Variants in MTCL1 observed in about 807,000 individuals in gnomAD.
The protein encoded by MTCL1 is microtubule crosslinking factor 1.
A neutral mutation model predicts 141.4 loss-of-function variants in MTCL1; 79 were observed. The observed-to-expected ratio is 0.56, with a 90% CI of 0.47 to 0.67. The LOEUF (loss-of-function observed/expected upper bound fraction) is 0.67. Among genes scored for constraint, MTCL1 ranks in the 30% least tolerant of loss-of-function variants. MTCL1 has a pLI of 0.00. For synonymous variants in MTCL1, 914 were observed against 875.8 expected (o/e 1.04, Z -0.77); for missense variants, 2,177 against 2,113.9 (o/e 1.03, Z -0.59).
intron 10 of MTCL1, among the ~76,000 whole-genome samples, chr18:8,803,159 TAAA>T (rs34017267): frequency 1.4e-5 from 2 of 145,328 alleles, no homozygotes; most frequent in Non-Finnish European, 1.5e-5. Flanking sequence ...AGGTAAAGTT[TAAA>T]AAAAAAAAAA....
chr18:8,808,794 A>G (rs1568078736), intron 11 of MTCL1, among the ~76,000 whole-genome samples: 1 of 152,238 alleles, frequency 6.6e-6, no homozygotes, highest in Non-Finnish European at 1.5e-5. Context: ...AACAAATCAG[A>G]TGTTCCTTGA....
At chr18:8,774,335 A>C (rs190297531) in intron 4 of MTCL1, among the ~76,000 whole-genome samples, 60 of 152,252 alleles carry the variant, frequency 3.9e-4, no homozygotes, top group African/African-American at 1.3e-3. Context: ...TTTGGAAGAA[A>C]CATGGCGTCT....
exon 6 of MTCL1, chr18:8,783,587 A>G (rs1238227047): frequency 1.2e-6 from 2 of 1,613,242 alleles, no homozygotes; most frequent in East Asian, 4.5e-5. Context: ...AGCCTTCCTG[A>G]TGCGCAAAAA....
At chr18:8,762,422 A>G (rs947107875) in intron 4 of MTCL1, among the ~76,000 whole-genome samples, 1 of 152,266 alleles carries the variant, frequency 6.6e-6, no homozygotes, top group African/African-American at 2.4e-5. Flanking sequence ...GACTGCTCTC[A>G]GCCCAAACAT....
At chr18:8,721,737 G>GT (rs1481952288) in intron 4 of MTCL1, among the ~76,000 whole-genome samples, 1 of 152,204 alleles carries the variant, frequency 6.6e-6, no homozygotes, top group East Asian at 1.9e-4. Context: ...TTTGTCTATT[G>GT]TCACCGCTCA....
chr18:8,761,532 C>A (rs1401187825), intron 4 of MTCL1, among the ~76,000 whole-genome samples: 1 of 152,174 alleles, frequency 6.6e-6, no homozygotes, highest in Non-Finnish European at 1.5e-5. Context: ...GACCTCTGTT[C>A]TTTCTATCTC....
At chr18:8,717,868 A>T in intron 1 of MTCL1, 1 of 987,326 alleles carries the variant, frequency 1.0e-6, no homozygotes, top group South Asian at 4.6e-5. Context: ...CCCAATGTGT[A>T]TTTAAAATAA....
chr18:8,764,736 C>T (rs1318718084), intron 4 of MTCL1, among the ~76,000 whole-genome samples: 6 of 152,198 alleles, frequency 3.9e-5, no homozygotes, highest in Admixed American at 3.9e-4. Flanking sequence ...ACCCACGTAG[C>T]CTGGGCACTT....
At chr18:8,816,431 CTG>C (rs760232072) in intron 12 of MTCL1, among the ~76,000 whole-genome samples, 1 of 152,208 alleles carries the variant, frequency 6.6e-6, no homozygotes, top group African/African-American at 2.4e-5. Context: ...TGATGTATGA[CTG>C]TGGGAATGTG....
At chr18:8,710,457 C>CTTTTTTTTTT in intron 1 of MTCL1, among the ~76,000 whole-genome samples, 1 of 121,818 alleles carries the variant, frequency 8.2e-6, no homozygotes, top group Non-Finnish European at 1.7e-5. Context: ...CAGGCACTTT[C>CTTTTTTTTTT]TTTTTTTTTT....
intron 10 of MTCL1, among the ~76,000 whole-genome samples, chr18:8,802,784 C>T (rs961548667): frequency 7.9e-5 from 12 of 152,220 alleles, no homozygotes; most frequent in African/African-American, 2.9e-4. Flanking sequence ...TGCTGCTTTG[C>T]TAGAAAATCA....
intron 12 of MTCL1, 121 bp from the exon 12 acceptor site, chr18:8,818,842 T>C: frequency 1.0e-6 from 1 of 981,974 alleles, no homozygotes; most frequent in South Asian, 1.6e-5. Flanking sequence ...GAACATTTGC[T>C]TCTCACAATA....
exon 6 of MTCL1, chr18:8,783,570 A>G (rs1389766671): frequency 6.2e-7 from 1 of 1,610,110 alleles, no homozygotes; most frequent in Non-Finnish European, 8.5e-7. Context: ...CAGTTTGCCA[A>G]AGAGGAAGCC....
chr18:8,806,726 T>G (rs2076309910), intron 10 of MTCL1, among the ~76,000 whole-genome samples, 167 bp from the exon 10 acceptor site: 1 of 152,078 alleles, frequency 6.6e-6, no homozygotes, highest in East Asian at 1.9e-4. Context: ...ACAGGGACCC[T>G]TTCTTTGCTC....
chr18:8,757,705 A>AT (rs201141832), intron 4 of MTCL1, among the ~76,000 whole-genome samples: 6 of 151,516 alleles, frequency 4.0e-5, no homozygotes, highest in African/African-American at 7.3e-5. Flanking sequence ...CATTTTTGAG[A>AT]TTTTTTTTTC....
upstream of MTCL1, chr18:8,705,607 C>CGCCGCCGCCGCT (rs2096056248): frequency 1.9e-5 from 23 of 1,210,394 alleles, no homozygotes; most frequent in South Asian, 4.0e-5. The surrounding 1 kb of genome is among the most constrained non-coding windows in gnomAD (Gnocchi z 5.2). Context: ...CCGCCGCCGC[C>CGCCGCCGCCGCT]GCCGTCGTCG....
intron 2 of MTCL1, chr18:8,718,026 C>A: frequency 2.0e-6 from 2 of 978,186 alleles, no homozygotes; most frequent in Non-Finnish European, 2.5e-6. Context: ...TCTTTGAAGG[C>A]AGGGTCCGTA....
chr18:8,831,844 G>T, exon 17 of MTCL1: 1 of 1,545,696 alleles, frequency 6.5e-7, no homozygotes, highest in Non-Finnish European at 8.7e-7. Context: ...ACTGTAATTT[G>T]CATAACCACA....
At chr18:8,710,161 G>A (rs2096079164) in intron 1 of MTCL1, among the ~76,000 whole-genome samples, 1 of 152,168 alleles carries the variant, frequency 6.6e-6, no homozygotes, top group South Asian at 2.1e-4. Flanking sequence ...TTTTTAAATA[G>A]TCAGTGTCAA....
Sources: gnomAD v4.1 joint callset for allele counts (sites outside exome capture counted in the v4.1 genomes callset) on GRCh38, gnomAD v4.1.1 for gene constraint, Gnocchi (gnomAD v3.1) non-coding constraint, MANE v1.5 for transcripts, NCBI Gene and HGNC (gene_info 2026-07-23, HGNC 2026-07-21) for gene names.